The following KIAA1549L variants were observed in gnomAD, a reference collection of about 807,000 sequenced individuals.
KIAA1549L encodes UPF0606 protein KIAA1549L.
In KIAA1549L, 88 loss-of-function variants were observed where a neutral mutation model predicts 160.7. The observed-to-expected ratio is 0.55, with a 90% CI of 0.46 to 0.65. KIAA1549L has a LOEUF of 0.65. Among genes scored for constraint, KIAA1549L ranks in the 30% least tolerant of loss-of-function variants. KIAA1549L has a pLI of 0.00. For missense variants in KIAA1549L, 2,258 were observed against 2,437.5 expected, an observed-to-expected ratio of 0.93 and a Z score of 1.55; for synonymous variants, 950 against 976.7, an observed-to-expected ratio of 0.97 and a Z score of 0.51.
chr11:33,521,839 GGA>G (rs1322289701), intron 1 of KIAA1549L, among the ~76,000 whole-genome samples: 1 of 152,182 alleles, frequency 6.6e-6, no homozygotes, highest in Non-Finnish European at 1.5e-5. Flanking sequence ...TTGGTCTGAA[GGA>G]GAATGGAAGG....
intron 1 of KIAA1549L, among the ~76,000 whole-genome samples, chr11:33,515,465 C>T (rs1328348523): frequency 6.6e-6 from 1 of 152,232 alleles, no homozygotes; most frequent in Non-Finnish European, 1.5e-5. Flanking sequence ...GCATCTGTGG[C>T]CAGGAAGCCA....
chr11:33,669,008 C>G lies in KIAA1549L; in HGVS notation c.*854C>G, dbSNP rs1040868708. ...AAGGTGGCCTGAGAATGGAGCTTCT[C>G]TTTTTCTTGGGATAATAGATACATC... On this transcript the variant is annotated 3_prime_UTR_variant, in exon 21 of 21. Coordinates refer to ENST00000658780, the MANE Select transcript of KIAA1549L (RefSeq NM_012194.3). 6.6e-6 allele frequency: 1 copy of G among 152,136 alleles called. No homozygotes were observed. The highest frequency in any genetic ancestry group is 2.4e-5 in the African/African-American group (1 of 41,440). 9.4% of individuals were successfully genotyped at this position (152,136 alleles called of 1,614,324 possible). A position where few individuals can be genotyped will look rare whatever the true frequency, so the allele number is the denominator to read the frequency against.
At chr11:33,405,205 C>T (rs1279942026) in intron 1 of KIAA1549L, among the ~76,000 whole-genome samples, 1 of 151,876 alleles carries the variant, frequency 6.6e-6, no homozygotes, top group African/African-American at 2.4e-5. Context: ...CAGGATGTTC[C>T]AATCCAGAAA....
At chr11:33,432,761 G>A (rs1851276544) in intron 1 of KIAA1549L, among the ~76,000 whole-genome samples, 1 of 152,128 alleles carries the variant, frequency 6.6e-6, no homozygotes, top group Non-Finnish European at 1.5e-5. Flanking sequence ...GCAGAACAGA[G>A]ACCTCAGAAA....
intron 1 of KIAA1549L, among the ~76,000 whole-genome samples, chr11:33,492,141 C>A (rs1366855299): frequency 6.6e-6 from 1 of 152,124 alleles, no homozygotes; most frequent in Non-Finnish European, 1.5e-5. Flanking sequence ...CCAAGGTGGA[C>A]AGATCACCTG....
chr11:33,508,841 A>G (rs1016083198), intron 1 of KIAA1549L, among the ~76,000 whole-genome samples: 4 of 152,162 alleles, frequency 2.6e-5, no homozygotes, highest in African/African-American at 9.7e-5. Context: ...AGGCCAGCCC[A>G]TTTCCTTGCT....
intron 1 of KIAA1549L, among the ~76,000 whole-genome samples, chr11:33,469,423 G>A (rs1311392477): frequency 6.6e-6 from 1 of 152,044 alleles, no homozygotes; most frequent in Admixed American, 6.6e-5. Flanking sequence ...TATTCATCAG[G>A]TGATGAACAT....
chr11:33,406,217 G>C (rs961521543), intron 1 of KIAA1549L, among the ~76,000 whole-genome samples: 1 of 152,212 alleles, frequency 6.6e-6, no homozygotes, highest in Non-Finnish European at 1.5e-5. Flanking sequence ...CTGGCCTACA[G>C]AGAAGAGGGA....
chr11:33,530,680 C>CTG (rs1194029566), intron 1 of KIAA1549L, among the ~76,000 whole-genome samples: 73 of 151,938 alleles, frequency 4.8e-4, no homozygotes, highest in Non-Finnish European at 8.8e-4. Context: ...AAGTGACCTT[C>CTG]TGTGTGTGTG....
chr11:33,609,475 A>G (rs916913913), intron 14 of KIAA1549L, among the ~76,000 whole-genome samples: 5 of 152,254 alleles, frequency 3.3e-5, no homozygotes, highest in African/African-American at 4.8e-5. Context: ...GCACGGAGTC[A>G]GGCCTAGGCC....
At chr11:33,436,824 G>A (rs182894559) in intron 1 of KIAA1549L, among the ~76,000 whole-genome samples, 22 of 152,294 alleles carry the variant, frequency 1.4e-4, no homozygotes, top group Admixed American at 1.2e-3. Context: ...GGAAGGGCAG[G>A]AAAGGGGAGA....
At chr11:33,423,945 C>T (rs1354858458) in intron 1 of KIAA1549L, among the ~76,000 whole-genome samples, 3 of 152,070 alleles carry the variant, frequency 2.0e-5, no homozygotes, top group Non-Finnish European at 4.4e-5. Context: ...AGGAGGATTG[C>T]CTGAGCCCAG....
At chr11:33,539,735 G>C (rs1853972144) in intron 1 of KIAA1549L, among the ~76,000 whole-genome samples, 1 of 152,162 alleles carries the variant, frequency 6.6e-6, no homozygotes, top group African/African-American at 2.4e-5. Context: ...GCCCAGAAGT[G>C]ACACTTGTCA....
intron 1 of KIAA1549L, among the ~76,000 whole-genome samples, chr11:33,385,051 G>A (rs1850147715): frequency 6.6e-6 from 1 of 151,514 alleles, no homozygotes; most frequent in South Asian, 2.1e-4. Flanking sequence ...TGCCTAATGT[G>A]TGCCAAGGTC....
At chr11:33,547,647 G>A (rs1365803818) in intron 3 of KIAA1549L, 117 bp from the exon 4 acceptor site, 12 of 669,770 alleles carry the variant, frequency 1.8e-5, no homozygotes. Context: ...TGATGGCCCT[G>A]TGCTTACCGG....
chr11:33,376,423 A>G lies in KIAA1549L; in HGVS notation c.-229A>G, dbSNP rs2761206. On this transcript the variant is annotated 5_prime_UTR_variant, in exon 1 of 21. Transcript: ENST00000658780. The surrounding 1 kb of genome is among the most constrained non-coding windows in gnomAD (Gnocchi z 5.8). ...AGGCACCGTGGGAACCCCGGCCCGC[A>G]CCCGCCGCGGCTCCATGCGGGCCCG... The G allele has an allele frequency of 0.77, 112,553 of 146,350 alleles. 43,668 individuals carry two copies. Among genetic ancestry groups the G allele is most frequent in the Middle Eastern group, 0.83 (240 of 288 alleles). The allele number at this position is 146,350 out of a possible 1,614,324, so 9.1% of individuals were successfully genotyped here.
At chr11:33,473,589 A>G (rs554397169) in intron 1 of KIAA1549L, among the ~76,000 whole-genome samples, 6 of 152,304 alleles carry the variant, frequency 3.9e-5, no homozygotes, top group East Asian at 1.9e-4. Context: ...GCAGCCTACT[A>G]TAGTGTCCTT....
intron 16 of KIAA1549L, among the ~76,000 whole-genome samples, chr11:33,619,587 A>G (rs1850906270): frequency 6.6e-6 from 1 of 152,146 alleles, no homozygotes; most frequent in African/African-American, 2.4e-5. Context: ...TTAAAATGGG[A>G]TTTTTTAATG....
At chr11:33,471,551 G>A (rs1015347945) in intron 1 of KIAA1549L, among the ~76,000 whole-genome samples, 2 of 152,068 alleles carry the variant, frequency 1.3e-5, no homozygotes, top group South Asian at 4.2e-4. Context: ...CAGTTACTCA[G>A]AACAGCTTTA....
Sources: gnomAD v4.1 joint callset for allele counts (sites outside exome capture counted in the v4.1 genomes callset) on GRCh38, gnomAD v4.1.1 for gene constraint, Gnocchi (gnomAD v3.1) non-coding constraint, MANE v1.5 for transcripts, NCBI Gene and HGNC (gene_info 2026-07-23, HGNC 2026-07-21) for gene names.